Variants in SUPT3H observed in about 807,000 individuals in gnomAD.
SUPT3H encodes transcription initiation protein SPT3 homolog.
SUPT3H carries 44 observed loss-of-function variants against 44.3 expected under a neutral mutation model. That is an observed-to-expected ratio of 0.99 (90% CI 0.78 to 1.28). SUPT3H has a LOEUF of 1.28. Ranked by LOEUF, SUPT3H falls within the 50% of genes most tolerant of loss-of-function variation. SUPT3H has a pLI of 0.00. For missense variants in SUPT3H, 380 were observed against 387.1 expected (o/e 0.98, Z 0.15); for synonymous variants, 124 against 125.6 (o/e 0.99, Z 0.09).
Position 45,095,181 on chromosome 6 carries a change from C to T in SUPT3H, c.186+10741G>A, listed in dbSNP as rs1343675168. Among the ~76,000 whole-genome samples the T allele has an allele frequency of 6.6e-6, 1 of 152,114 alleles. No homozygotes were observed. Among genetic ancestry groups the T allele is most frequent in the African/African-American group, 2.4e-5 (1 of 41,424 alleles). On this transcript the variant is annotated intron_variant, in intron 3 of 10. Coordinates refer to ENST00000371459, the MANE Select transcript of SUPT3H (RefSeq NM_003599.4). This position sits in a 1 kb window ranked among gnomAD's most constrained non-coding sequence, Gnocchi z 4.1. ...TAGTTAGCAAGAAGACTGTTTCCAT[C>T]CTATGATTCATTAGGTCCCCATGGT...
chr6:45,167,028 TACAC>T (rs1041583908), intron 2 of SUPT3H, among the ~76,000 whole-genome samples: 1 of 152,188 alleles, frequency 6.6e-6, no homozygotes, highest in African/African-American at 2.4e-5. Flanking sequence ...CTTATACATA[TACAC>T]CCAATAAAGT....
chr6:45,133,524 A>G (rs1234740318), intron 2 of SUPT3H, among the ~76,000 whole-genome samples: 1 of 152,178 alleles, frequency 6.6e-6, no homozygotes, highest in African/African-American at 2.4e-5. Flanking sequence ...ATCTTCTGCC[A>G]TTTCCCCAAA....
rs369564016 is a variant in SUPT3H, at chr6:45,003,767, C to T, written c.390G>A (p.Ala130=). ...CCTGAGCAATCTTTTGTCTTTTGTTCGCATTATTGCTGCCACTCAATTTGT... is the reference window on the plus strand; with the variant it reads ...CCTGAGCAATCTTTTGTCTTTTGTTTGCATTATTGCTGCCACTCAATTTGT... ...LEDKLSGSNN[A]NKRQKIAQDF... is the part of the protein sequence containing the mutation. The change falls in exon 6 of 11, where the codon GCG becomes GCA. Residue 130 remains alanine, a synonymous_variant. Coordinates refer to ENST00000371459, the MANE Select transcript of SUPT3H (RefSeq NM_003599.4). The T allele has an allele frequency of 1.7e-5, 28 of 1,613,274 alleles. No homozygotes were observed. The highest frequency in any genetic ancestry group is 3.3e-5 in the South Asian group (3 of 91,010).
intron 2 of SUPT3H, among the ~76,000 whole-genome samples, chr6:45,296,513 C>A (rs1249415356): frequency 6.6e-6 from 1 of 151,736 alleles, no homozygotes; most frequent in African/African-American, 2.4e-5. Flanking sequence ...GCAAGGTGGG[C>A]AGATTACCTG....
intron 2 of SUPT3H, among the ~76,000 whole-genome samples, chr6:45,164,010 A>T (rs747521078): frequency 1.2e-4 from 18 of 152,266 alleles, no homozygotes; most frequent in Admixed American, 3.3e-4. Context: ...TGTTTTCATG[A>T]TCATTAACAA....
At chr6:45,329,792 C>T (rs1787089553) in intron 2 of SUPT3H, among the ~76,000 whole-genome samples, 2 of 151,950 alleles carry the variant, frequency 1.3e-5, no homozygotes, top group Admixed American at 1.3e-4. Context: ...TAACATTCAT[C>T]AGCTGATGTG....
At chr6:45,302,536 TATATATATATATATATATATGC>T (rs1426181495) in intron 2 of SUPT3H, among the ~76,000 whole-genome samples, 14 of 132,210 alleles carry the variant, frequency 1.1e-4, no homozygotes, top group South Asian at 5.1e-4. Flanking sequence ...TATATATATA[TATATATATATATATATATATGC>T]ATGCCACAAT....
chr6:45,264,172 A>G (rs759731622), intron 2 of SUPT3H, among the ~76,000 whole-genome samples: 1 of 152,224 alleles, frequency 6.6e-6, no homozygotes, highest in Non-Finnish European at 1.5e-5. Flanking sequence ...AAAAATTTAC[A>G]TAAGCATTAT....
chr6:45,199,997 T>C (rs1478038734), intron 2 of SUPT3H, among the ~76,000 whole-genome samples: 1 of 151,372 alleles, frequency 6.6e-6, no homozygotes, highest in Non-Finnish European at 1.5e-5. Context: ...CATATAAACA[T>C]CTGCAAAGAC....
rs1229232080 is a variant in SUPT3H, at chr6:44,826,923, T to TA, written c.*2892dup. 6.6e-6 allele frequency among the ~76,000 whole-genome samples: 1 copy of TA among 152,210 alleles called. No homozygotes were observed. The highest frequency in any genetic ancestry group is 1.9e-4 in the East Asian group (1 of 5,204). On this transcript the variant is annotated 3_prime_UTR_variant, in exon 11 of 11. Transcript: ENST00000371459. ...GTTTTCAAATAAAAAGTCTTGGTTT[T>TA]AAAATTGAAACAGTATTTTTGAATC...
chr6:44,915,929 T>G (rs1445603943), intron 10 of SUPT3H, among the ~76,000 whole-genome samples: 1 of 152,192 alleles, frequency 6.6e-6, no homozygotes, highest in Admixed American at 6.5e-5. Context: ...TCCCAAGGGC[T>G]GCATCATGGG....
At chr6:45,280,723 A>G (rs1271484769) in intron 2 of SUPT3H, among the ~76,000 whole-genome samples, 3 of 152,118 alleles carry the variant, frequency 2.0e-5, no homozygotes, top group Non-Finnish European at 2.9e-5. Context: ...GAAACCAACT[A>G]CAGAACTCCT....
intron 3 of SUPT3H, among the ~76,000 whole-genome samples, chr6:45,030,506 A>C (rs1368567860): frequency 6.6e-6 from 1 of 152,168 alleles, no homozygotes; most frequent in Non-Finnish European, 1.5e-5. Context: ...AGTTTTTTTC[A>C]GAACTCTTCC....
At chr6:45,208,261 G>A (rs541396729) in intron 2 of SUPT3H, among the ~76,000 whole-genome samples, 19 of 152,248 alleles carry the variant, frequency 1.2e-4, no homozygotes, top group African/African-American at 4.3e-4. Context: ...AGAAAGGTAA[G>A]GATTCAGAAG....
At chr6:45,136,416 A>C (rs1392732286) in intron 2 of SUPT3H, among the ~76,000 whole-genome samples, 1 of 152,138 alleles carries the variant, frequency 6.6e-6, no homozygotes, top group Non-Finnish European at 1.5e-5. Context: ...CCAGTGTTCA[A>C]ACAAAAAATT....
chr6:44,887,974 G>C (rs1427565225), intron 10 of SUPT3H, among the ~76,000 whole-genome samples: 1 of 152,168 alleles, frequency 6.6e-6, no homozygotes, highest in Non-Finnish European at 1.5e-5. Flanking sequence ...ACTACCATCA[G>C]AGAATACTAC....
chr6:45,115,241 T>C (rs533298887), intron 2 of SUPT3H, among the ~76,000 whole-genome samples: 1 of 152,230 alleles, frequency 6.6e-6, no homozygotes, highest in East Asian at 1.9e-4. Flanking sequence ...TCAGCAACAG[T>C]AAGCGTCAAG....
chr6:45,250,847 G>C (rs1246363919), intron 2 of SUPT3H: 1 of 151,464 alleles, frequency 6.6e-6, no homozygotes, highest in African/African-American at 2.4e-5. Flanking sequence ...TTTCTTTTGA[G>C]ACAGAGTCTT....
chr6:45,338,023 A>C (rs1024621014), intron 2 of SUPT3H, among the ~76,000 whole-genome samples: 18 of 152,002 alleles, frequency 1.2e-4, no homozygotes, highest in African/African-American at 3.9e-4. Flanking sequence ...ACCTATAAAC[A>C]AATCAAACTT....
Sources: gnomAD v4.1 joint callset for allele counts (sites outside exome capture counted in the v4.1 genomes callset) on GRCh38, gnomAD v4.1.1 for gene constraint, Gnocchi (gnomAD v3.1) non-coding constraint, MANE v1.5 for transcripts, NCBI Gene and HGNC (gene_info 2026-07-23, HGNC 2026-07-21) for gene names.